CA10: variants seen among roughly 807,000 people sequenced by gnomAD.
CA10 encodes the protein carbonic anhydrase-related protein 10.
A neutral mutation model predicts 44.2 loss-of-function variants in CA10; 14 were observed. The ratio of observed to expected loss-of-function variants is 0.32; its 90% CI spans 0.21 to 0.50. The LOEUF is 0.50. CA10 is among the 20% of genes least tolerant of loss of function. CA10 has a pLI of 0.99. For synonymous variants in CA10, 159 were observed against 141.6 expected, an observed-to-expected ratio of 1.12 and a Z score of -0.87; for missense variants, 350 against 409.7, an observed-to-expected ratio of 0.85 and a Z score of 1.26.
intron 2 of CA10, among the ~76,000 whole-genome samples, chr17:52,061,234 T>C (rs2143092266): frequency 6.6e-6 from 1 of 151,152 alleles, no homozygotes; most frequent in African/African-American, 2.4e-5. Flanking sequence ...TTCTGAAAAG[T>C]GGGAGGCAGA....
At chr17:52,062,469 A>C (rs1218792175) in intron 2 of CA10, among the ~76,000 whole-genome samples, 1 of 152,172 alleles carries the variant, frequency 6.6e-6, no homozygotes. Context: ...AGAGTCAAAA[A>C]AATTGGAAAA....
intron 2 of CA10, among the ~76,000 whole-genome samples, chr17:51,959,599 A>T (rs1983807141): frequency 6.6e-6 from 1 of 151,758 alleles, no homozygotes; most frequent in Non-Finnish European, 1.5e-5. Context: ...CAGCGTAACA[A>T]CTGCTTTGAT....
intron 3 of CA10, among the ~76,000 whole-genome samples, chr17:51,796,934 G>A (rs760060037): frequency 6.6e-6 from 1 of 152,114 alleles, no homozygotes; most frequent in Non-Finnish European, 1.5e-5. Flanking sequence ...GAGGATAATT[G>A]TTAGGGTGAC....
intron 2 of CA10, among the ~76,000 whole-genome samples, chr17:52,037,166 T>C (rs895519829): frequency 2.0e-5 from 3 of 152,114 alleles, no homozygotes; most frequent in Non-Finnish European, 4.4e-5. Context: ...AAAAGAAAGA[T>C]CTTGGCTACC....
chr17:52,157,246 C>G (rs925356041), intron 1 of CA10, among the ~76,000 whole-genome samples: 1 of 152,146 alleles, frequency 6.6e-6, no homozygotes, highest in Non-Finnish European at 1.5e-5. Context: ...GAGGACATAT[C>G]TCTGATCCCT....
At chr17:51,912,355 T>C (rs1431022924) in intron 3 of CA10, among the ~76,000 whole-genome samples, 3 of 152,128 alleles carry the variant, frequency 2.0e-5, no homozygotes, top group Non-Finnish European at 4.4e-5. Flanking sequence ...GGAAGGAGGC[T>C]CAAGGAGGTA....
At chr17:52,004,806 A>T (rs56994921) in intron 2 of CA10, among the ~76,000 whole-genome samples, 4,050 of 151,962 alleles carry the variant, frequency 0.027, 180 homozygotes, top group African/African-American at 0.092. Flanking sequence ...CGCAAAATGA[A>T]AATAAGATAA....
intron 1 of CA10, among the ~76,000 whole-genome samples, chr17:52,107,387 G>C (rs1203017508): frequency 6.6e-6 from 1 of 152,124 alleles, no homozygotes; most frequent in Non-Finnish European, 1.5e-5. Context: ...TTTTCGGAAA[G>C]ATAATTCCTC....
At chr17:51,770,122 GTT>G (rs11358565) in intron 3 of CA10, among the ~76,000 whole-genome samples, 41 of 146,878 alleles carry the variant, frequency 2.8e-4, no homozygotes, top group East Asian at 6.1e-4. Flanking sequence ...AGCCTCTGTA[GTT>G]TTTTTTTTTT....
intron 1 of CA10, among the ~76,000 whole-genome samples, chr17:52,151,670 T>C (rs1322604887): frequency 2.0e-5 from 3 of 152,140 alleles, no homozygotes; most frequent in Non-Finnish European, 2.9e-5. Flanking sequence ...ATCCAAAGTG[T>C]CAACAAGTAT....
chr17:52,103,583 A>C (rs776372149), intron 1 of CA10, among the ~76,000 whole-genome samples: 2 of 152,040 alleles, frequency 1.3e-5, no homozygotes, highest in African/African-American at 4.8e-5. Flanking sequence ...GGGAAACTCA[A>C]CATTTGCTAG....
intron 7 of CA10, 78 bp from the exon 8 acceptor site, chr17:51,633,728 T>G: frequency 2.0e-6 from 3 of 1,491,866 alleles, no homozygotes; most frequent in Non-Finnish European, 2.7e-6. Flanking sequence ...ACAGAGACTC[T>G]GGCCAAGCTA....
intron 3 of CA10, among the ~76,000 whole-genome samples, chr17:51,829,227 T>A (rs929535911): frequency 6.6e-6 from 1 of 152,238 alleles, no homozygotes; most frequent in Non-Finnish European, 1.5e-5. Flanking sequence ...ACTGCCCCCA[T>A]GGATGTGTCT....
intron 4 of CA10, among the ~76,000 whole-genome samples, chr17:51,724,904 G>T (rs188993639): frequency 6.6e-6 from 1 of 152,334 alleles, no homozygotes; most frequent in Admixed American, 6.5e-5. Context: ...AAAGGGCATA[G>T]TAATAGCTAA....
At chr17:51,688,524 ACTT>A (rs1915083058) in intron 4 of CA10, among the ~76,000 whole-genome samples, 1 of 152,062 alleles carries the variant, frequency 6.6e-6, no homozygotes, top group Admixed American at 6.5e-5. Flanking sequence ...ATTCATCCCT[ACTT>A]CTTAGGTTGC....
intron 3 of CA10, among the ~76,000 whole-genome samples, chr17:51,801,149 G>A (rs1270740125): frequency 6.6e-6 from 1 of 152,184 alleles, no homozygotes; most frequent in Non-Finnish European, 1.5e-5. Flanking sequence ...GATAAACAAG[G>A]AAAGTGCTTT....
At chr17:51,682,556 G>C (rs1914880944) in intron 4 of CA10, among the ~76,000 whole-genome samples, 1 of 152,146 alleles carries the variant, frequency 6.6e-6, no homozygotes, top group South Asian at 2.1e-4. Context: ...AGGGGATGGT[G>C]AATTACAGTT....
chr17:51,663,284 A>AT (rs140116281), intron 4 of CA10, among the ~76,000 whole-genome samples: 151,643 of 151,654 alleles, frequency 1, 75,816 homozygotes, highest in Non-Finnish European at 1. Flanking sequence ...TCAACTTCTT[A>AT]TAAAGGAGCT....
chr17:51,894,180 A>G (rs979471599), intron 3 of CA10, among the ~76,000 whole-genome samples: 1 of 152,140 alleles, frequency 6.6e-6, no homozygotes, highest in Non-Finnish European at 1.5e-5. Flanking sequence ...GGAAGAAAGA[A>G]GAGGCTTTCT....
Sources: gnomAD v4.1 joint callset for allele counts (sites outside exome capture counted in the v4.1 genomes callset) on GRCh38, gnomAD v4.1.1 for gene constraint, MANE v1.5 for transcripts, NCBI Gene and HGNC (gene_info 2026-07-23, HGNC 2026-07-21) for gene names.